The following TACC1 variants were observed in gnomAD, a reference collection of about 807,000 sequenced individuals.
TACC1 encodes the protein transforming acidic coiled-coil-containing protein 1.
TACC1 carries 48 observed loss-of-function variants against 84.4 expected under a neutral mutation model. The ratio of observed to expected loss-of-function variants is 0.57; its 90% CI spans 0.45 to 0.72. TACC1 has a LOEUF of 0.72. Among genes scored for constraint, TACC1 ranks in the 30% least tolerant of loss-of-function variants. The pLI, the probability that TACC1 is intolerant of heterozygous loss-of-function variation, is 0.00. For synonymous variants in TACC1, 372 were observed against 376.3 expected, an observed-to-expected ratio of 0.99 and a Z score of 0.13; for missense variants, 920 against 973.0, an observed-to-expected ratio of 0.95 and a Z score of 0.72.
intron 1 of TACC1, among the ~76,000 whole-genome samples, chr8:38,736,841 C>T (rs1351835973): frequency 1.3e-5 from 2 of 152,188 alleles, no homozygotes; most frequent in Non-Finnish European, 2.9e-5. Context: ...CAGCTCCATA[C>T]TCTCTAATTC....
chr8:38,766,931 A>C (rs1233178783), intron 3 of TACC1, among the ~76,000 whole-genome samples: 1 of 152,200 alleles, frequency 6.6e-6, no homozygotes, highest in African/African-American at 2.4e-5. Context: ...AGGAGTTTTT[A>C]TGGCTATTTC....
chr8:38,810,027 A>C (rs989906133), intron 2 of TACC1, among the ~76,000 whole-genome samples: 1 of 152,220 alleles, frequency 6.6e-6, no homozygotes, highest in Non-Finnish European at 1.5e-5. Context: ...CACTACATAC[A>C]AAAGTAGAAC....
At chr8:38,758,721 C>A (rs889281505) in intron 3 of TACC1, among the ~76,000 whole-genome samples, 2 of 146,390 alleles carry the variant, frequency 1.4e-5, no homozygotes, top group African/African-American at 5.0e-5. Context: ...ATTTACTGAG[C>A]ACATGACATG....
At chr8:38,737,681 C>T (rs1806228340) in intron 1 of TACC1, among the ~76,000 whole-genome samples, 2 of 151,948 alleles carry the variant, frequency 1.3e-5, no homozygotes, top group Admixed American at 1.3e-4. Flanking sequence ...GACAACAGTC[C>T]CTCTGTCCAG....
intron 1 of TACC1, among the ~76,000 whole-genome samples, chr8:38,738,932 C>T (rs1806527663): frequency 6.6e-6 from 1 of 152,082 alleles, no homozygotes. Context: ...ACTCTGTCGC[C>T]CAAGCTGGAG....
Position 38,819,581 on chromosome 8 carries a change from A to G in TACC1, c.337A>G (p.Thr113Ala), listed in dbSNP as rs201622917. 2.5e-6 allele frequency: 4 copies of G among 1,614,216 alleles called. No individual in the cohort carries two copies. The highest frequency in any genetic ancestry group is 2.5e-6 in the Non-Finnish European group (3 of 1,180,038). The change falls in exon 3 of 13, where the codon ACT becomes GCT. Residue 113 changes from threonine (T) to alanine (A), a missense_variant. Physicochemically the swap from Thr to Ala is moderately conservative, Grantham distance 58 (BLOSUM62 0). Transcript: ENST00000317827. ...AGTGGTTGAAAAATGTTCATCTAAGACTTGTTCTAAACCTTCAGAAAATGA... is the reference window on the plus strand; with the variant it reads ...AGTGGTTGAAAAATGTTCATCTAAGGCTTGTTCTAAACCTTCAGAAAATGA... ...AEVVEKCSSK[T>A]CSKPSENEVP... is the part of the protein sequence containing the mutation.
intron 4 of TACC1, among the ~76,000 whole-genome samples, chr8:38,826,070 C>T (rs1227458522): frequency 6.6e-6 from 1 of 152,144 alleles, no homozygotes; most frequent in East Asian, 1.9e-4. Flanking sequence ...TCCTTTTGTT[C>T]TTTTTAAAAC....
intron 3 of TACC1, chr8:38,757,119 C>G: frequency 2.0e-6 from 1 of 503,836 alleles, no homozygotes; most frequent in Non-Finnish European, 2.8e-6. Flanking sequence ...CGGCAGCACC[C>G]GCGGGGCCCT....
At chr8:38,766,244 T>C (rs1295884782) in intron 3 of TACC1, among the ~76,000 whole-genome samples, 1 of 152,244 alleles carries the variant, frequency 6.6e-6, no homozygotes, top group East Asian at 1.9e-4. Context: ...ATACTTTGGA[T>C]GTAATTTTTT....
chr8:38,836,695 C>G (rs748026303), intron 7 of TACC1, among the ~76,000 whole-genome samples: 1 of 152,126 alleles, frequency 6.6e-6, no homozygotes, highest in Non-Finnish European at 1.5e-5. Context: ...TTCTTTAAAC[C>G]GTTCAACTCT....
Position 38,820,194 on chromosome 8 carries a change from C to A in TACC1, c.950C>A (p.Pro317His), listed in dbSNP as rs370496666. 6.2e-7 allele frequency: 1 copy of A among 1,614,070 alleles called. No homozygotes were observed. The highest frequency in any genetic ancestry group is 1.1e-5 in the South Asian group (1 of 91,084). ...VELGEESRSSPLKLEFDFTED... is the reference protein window; with the variant it reads ...VELGEESRSSHLKLEFDFTED... ...CTGGGGGAGGAGTCGAGGAGCTCAC[C>A]TCTCAAGCTTGAGTTTGATTTCACA... is the stretch of plus-strand genomic sequence containing the variant. The change falls in exon 3 of 13, where the codon CCT becomes CAT. Residue 317 changes from proline to histidine, a missense_variant. Physicochemically the swap from Pro to His is moderately conservative, Grantham distance 77. This residue lies in a region of TACC1 where 762 missense variants were observed against 747.3 expected (regional missense o/e 1.02). Coordinates refer to ENST00000317827, the MANE Select transcript of TACC1 (RefSeq NM_006283.3).
At chr8:38,786,830 T>A (rs922078189), upstream of TACC1, among the ~76,000 whole-genome samples, 18 of 47,866 alleles carry the variant, frequency 3.8e-4, no homozygotes, top group Non-Finnish European at 7.9e-4. Context: ...AGGTTTGTAT[T>A]TTTTTTTTTT....
At position 38,754,571 on chromosome 8, in the gene TACC1, A is replaced by G. The variant is rs1587281780; in HGVS notation, c.26+9078A>G. 2.0e-5 allele frequency among the ~76,000 whole-genome samples: 3 copies of G among 152,212 alleles called. No individual in the cohort carries two copies. In the South Asian group the frequency reaches 6.2e-4, roughly 31 times the overall value. On this transcript the variant is annotated intron_variant, in intron 3 of 14. Transcript: ENST00000518415. ...GACTGTGGGAGGAACTTGAACTTAA[A>G]AGAAAAATTATCTCAGGAGTTCAAG... is the stretch of plus-strand genomic sequence containing the variant.
intron 3 of TACC1, among the ~76,000 whole-genome samples, chr8:38,763,458 C>T (rs891615246): frequency 2.6e-5 from 4 of 152,112 alleles, no homozygotes; most frequent in African/African-American, 9.7e-5. Context: ...TGCCCGGCCT[C>T]ATTTTGTTTT....
chr8:38,790,225 C>G (rs1818319087), intron 2 of TACC1, among the ~76,000 whole-genome samples: 1 of 152,216 alleles, frequency 6.6e-6, no homozygotes, highest in Admixed American at 6.5e-5. Flanking sequence ...CCCTATGTAT[C>G]TGTCTTACCG....
intron 3 of TACC1, among the ~76,000 whole-genome samples, chr8:38,821,813 T>G (rs772234584): frequency 1.3e-5 from 2 of 152,182 alleles, no homozygotes; most frequent in South Asian, 4.1e-4. Context: ...GATTTTGTTG[T>G]GTGAACATCG....
At chr8:38,750,037 G>A (rs1808755503) in intron 3 of TACC1, among the ~76,000 whole-genome samples, 2 of 152,230 alleles carry the variant, frequency 1.3e-5, no homozygotes, top group African/African-American at 4.8e-5. Context: ...ATAAGAAGGG[G>A]GTAAAAGGTC....
intron 1 of TACC1, among the ~76,000 whole-genome samples, chr8:38,740,975 A>G (rs1452631290): frequency 6.6e-6 from 1 of 152,148 alleles, no homozygotes; most frequent in East Asian, 1.9e-4. Flanking sequence ...CGAGTATCCT[A>G]AAGTCACTAT....
intron 3 of TACC1, among the ~76,000 whole-genome samples, chr8:38,755,633 G>A (rs1201770888): frequency 6.6e-6 from 1 of 151,854 alleles, no homozygotes; most frequent in Non-Finnish European, 1.5e-5. Context: ...GAGCCCAGGA[G>A]TTCAAGGCTC....
Sources: allele counts gnomAD v4.1 joint callset (sites outside exome capture counted in the v4.1 genomes callset), GRCh38; gene constraint gnomAD v4.1.1; regional missense constraint gnomAD v4.1.1; transcripts MANE v1.5; gene names NCBI Gene and HGNC (gene_info 2026-07-23, HGNC 2026-07-21).